GRK1: variants seen among roughly 807,000 people sequenced by gnomAD.
GRK1 encodes rhodopsin kinase GRK1.
In GRK1, 28 loss-of-function variants were observed where a neutral mutation model predicts 41.7. The observed-to-expected ratio is 0.67, with a 90% confidence interval of 0.50 to 0.92. GRK1 has a LOEUF of 0.92. Ranked by LOEUF, GRK1 falls within the 40% of genes least tolerant of loss-of-function variation. The probability of loss-of-function intolerance (pLI) is 0.00; values close to 1 mark genes in which losing one functional copy is unlikely to be tolerated. For missense variants in GRK1, 703 were observed against 671.2 expected, an observed-to-expected ratio of 1.05 and a Z score of -0.52; for synonymous variants, 327 against 286.7, an observed-to-expected ratio of 1.14 and a Z score of -1.42.
At chr13:113,658,402 C>T in the GRK1 span, among the ~76,000 whole-genome samples, 1 of 152,376 alleles carries the variant, frequency 6.6e-6, no homozygotes, top group South Asian at 2.1e-4. Context: ...CTTGGGACGC[C>T]CTTGGCTGCA....
intron 4 of GRK1, among the ~76,000 whole-genome samples, chr13:113,729,987 CA>C (rs2049923055): frequency 6.7e-6 from 1 of 149,734 alleles, no homozygotes. Flanking sequence ...AGACAGTCCC[CA>C]CGGCTGAGCC....
the GRK1 span, among the ~76,000 whole-genome samples, chr13:113,652,161 C>T: frequency 5.3e-5 from 8 of 152,310 alleles, no homozygotes; most frequent in South Asian, 1.0e-3. Flanking sequence ...CCCTGGGCTT[C>T]TCCAGCCCCA....
intron 2 of GRK1, among the ~76,000 whole-genome samples, chr13:113,670,862 G>A (rs2049852315): frequency 6.6e-6 from 1 of 151,896 alleles, no homozygotes; most frequent in Non-Finnish European, 1.5e-5. Flanking sequence ...TCCAGGAGGA[G>A]GGGAGGGGTG....
At chr13:113,733,976 GCGCA>G (rs1202360696) in intron 6 of GRK1, among the ~76,000 whole-genome samples, 36 of 118,288 alleles carry the variant, frequency 3.0e-4, no homozygotes, top group African/African-American at 1.2e-3. Context: ...GTGCGTGTGT[GCGCA>G]TGTGTGTGCA....
At chr13:113,657,095 C>T in the GRK1 span, among the ~76,000 whole-genome samples, 2 of 152,198 alleles carry the variant, frequency 1.3e-5, no homozygotes, top group African/African-American at 4.8e-5. Flanking sequence ...TTCACCAGCA[C>T]TGTGGTGAGT....
chr13:113,736,698 C>T lies in GRK1; in HGVS notation c.*1335C>T, dbSNP rs1384896578. ...CCTCTGAGCTCCTTTTAGGAAAGAA[C>T]TTCCTTTGAGCCCCGGCCACTGTTG... On this transcript the variant is annotated 3_prime_UTR_variant, in exon 7 of 7. Coordinates refer to ENST00000335678, the MANE Select transcript of GRK1 (RefSeq NM_002929.3). 6.6e-6 allele frequency: 1 copy of T among 152,172 alleles called. No homozygotes were observed. Among genetic ancestry groups the T allele is most frequent in the Admixed American group, 6.5e-5 (1 of 15,280 alleles). 9.4% of individuals were successfully genotyped at this position (152,172 alleles called of 1,614,324 possible).
the GRK1 span, chr13:113,658,139 C>T: frequency 4.7e-5 from 76 of 1,611,948 alleles, 1 homozygote; most frequent in African/African-American, 4.4e-4. Context: ...CCTGCAGAGC[C>T]GCCATCGTCC....
chr13:113,656,242 C>T, the GRK1 span, among the ~76,000 whole-genome samples: 2 of 152,336 alleles, frequency 1.3e-5, no homozygotes, highest in African/African-American at 4.8e-5. Context: ...GATGTGGCTT[C>T]TATTTGACTT....
At chr13:113,729,809 A>T (rs1233777044) in intron 4 of GRK1, among the ~76,000 whole-genome samples, 3 of 148,916 alleles carry the variant, frequency 2.0e-5, no homozygotes, top group African/African-American at 5.0e-5. Context: ...ATCCCGAGAC[A>T]GTTGCCACGG....
At position 113,735,548 on chromosome 13, in the gene GRK1, AC is replaced by A. The variant is rs2049997917; in HGVS notation, c.*186del. The A allele has an allele frequency of 5.1e-6, 3 of 587,162 alleles. No homozygotes were observed. The highest frequency in any genetic ancestry group is 8.4e-6 in the Non-Finnish European group (3 of 358,724). The allele number at this position is 587,162 out of a possible 1,614,324, so 36.4% of individuals were successfully genotyped here. A position where few individuals can be genotyped will look rare whatever the true frequency, so the allele number is the denominator to read the frequency against. ...AGCCCACATCGGCCTGAGCCGCCAG[AC>A]GCACATGCTGGTGCCGTGAGCCCCC... On this transcript the variant is annotated 3_prime_UTR_variant, in exon 7 of 7. Coordinates refer to ENST00000335678, the MANE Select transcript of GRK1 (RefSeq NM_002929.3).
At position 113,667,247 on chromosome 13, in the gene GRK1, C is replaced by T; in HGVS notation, c.-140C>T. On this transcript the variant is annotated 5_prime_UTR_variant, in exon 1 of 7. Coordinates refer to ENST00000335678, the MANE Select transcript of GRK1 (RefSeq NM_002929.3). The surrounding 1 kb of genome is among the most constrained non-coding windows in gnomAD (Gnocchi z 7.5). ...GGTCCCCAGGAACCCTCGACAGGGC[C>T]AGGGCGTCTCTCTCGTCCAGCAAGG... 1 of 843,260 alleles carries T rather than the reference C, an allele frequency of 1.2e-6. No individual in the cohort carries two copies. Among genetic ancestry groups the T allele is most frequent in the Non-Finnish European group, 1.8e-6 (1 of 560,166 alleles). 52.2% of individuals were successfully genotyped at this position (843,260 alleles called of 1,614,324 possible).
chr13:113,649,450 G>A, the GRK1 span: 23 of 1,572,526 alleles, frequency 1.5e-5, no homozygotes, highest in Non-Finnish European at 1.9e-5. The surrounding 1 kb of genome is among the most constrained non-coding windows in gnomAD (Gnocchi z 4.7). Flanking sequence ...CACGTGCTCC[G>A]CCATGACCTT....
At chr13:113,727,992 GGCGATGAGT>G (rs2049902870) in intron 4 of GRK1, among the ~76,000 whole-genome samples, 1 of 86,368 alleles carries the variant, frequency 1.2e-5, no homozygotes, top group Non-Finnish European at 2.2e-5. Flanking sequence ...GAGTACCCAT[GGCGATGAGT>G]ACCCATGGCG....
chr13:113,658,896 T>C, the GRK1 span, among the ~76,000 whole-genome samples: 1 of 152,200 alleles, frequency 6.6e-6, no homozygotes, highest in East Asian at 1.9e-4. Context: ...CCTGAGCATC[T>C]GTTGAATGCA....
At chr13:113,651,648 GC>G in the GRK1 span, 1 of 1,588,322 alleles carries the variant, frequency 6.3e-7, no homozygotes, top group Non-Finnish European at 8.6e-7. Flanking sequence ...GGGCAGCCCT[GC>G]CCGCCGCGCG....
chr13:113,666,374 C>G (rs1427171557), upstream of GRK1, among the ~76,000 whole-genome samples: 3 of 150,660 alleles, frequency 2.0e-5, no homozygotes, highest in Non-Finnish European at 4.4e-5. Flanking sequence ...GCTGTCCCAG[C>G]TGTCCCAGGT....
At chr13:113,652,839 G>C in the GRK1 span, 2 of 1,607,204 alleles carry the variant, frequency 1.2e-6, no homozygotes, top group Non-Finnish European at 1.7e-6. Context: ...CTGCACTGTT[G>C]TAGTGGCGTG....
At chr13:113,665,019 C>T (rs931543052), upstream of GRK1, among the ~76,000 whole-genome samples, 12 of 152,204 alleles carry the variant, frequency 7.9e-5, no homozygotes, top group African/African-American at 2.9e-4. Flanking sequence ...ACCGTGGGGA[C>T]GTCGGCTCGG....
chr13:113,727,401 G>A (rs2049896068), intron 4 of GRK1, among the ~76,000 whole-genome samples: 1 of 152,236 alleles, frequency 6.6e-6, no homozygotes, highest in African/African-American at 2.4e-5. Context: ...GTGGCCTGTG[G>A]TCTGTGATCT....
Sources: gnomAD v4.1 joint callset for allele counts (sites outside exome capture counted in the v4.1 genomes callset) on GRCh38, gnomAD v4.1.1 for gene constraint, Gnocchi (gnomAD v3.1) non-coding constraint, MANE v1.5 for transcripts, NCBI Gene and HGNC (gene_info 2026-07-23, HGNC 2026-07-21) for gene names.